SUCLA2: variants seen among roughly 807,000 people sequenced by gnomAD.
The protein encoded by SUCLA2 is succinate--CoA ligase [ADP-forming] subunit beta, mitochondrial.
A neutral mutation model predicts 54.8 loss-of-function variants in SUCLA2; 30 were observed. The ratio of observed to expected loss-of-function variants is 0.55; its 90% CI spans 0.41 to 0.74. The LOEUF (loss-of-function observed/expected upper bound fraction) is 0.74, where lower values mean the gene tolerates loss of function less well. Ranked by LOEUF, SUCLA2 falls within the 30% of genes least tolerant of loss-of-function variation. The pLI is 0.00. For missense variants in SUCLA2, 476 were observed against 562.9 expected, an observed-to-expected ratio of 0.85 and a Z score of 1.56; for synonymous variants, 172 against 188.9, an observed-to-expected ratio of 0.91 and a Z score of 0.74.
chr13:47,975,899 C>T (rs1407434984), intron 4 of SUCLA2, among the ~76,000 whole-genome samples: 1 of 152,114 alleles, frequency 6.6e-6, no homozygotes, highest in Non-Finnish European at 1.5e-5. Flanking sequence ...ATTGTATCAA[C>T]CCACTCTGCA....
intron 4 of SUCLA2, among the ~76,000 whole-genome samples, chr13:47,985,986 A>T (rs1701716954): frequency 6.7e-6 from 1 of 149,618 alleles, no homozygotes. Flanking sequence ...TCTAAAGATC[A>T]GTGATGAGCT....
intron 8 of SUCLA2, among the ~76,000 whole-genome samples, chr13:47,950,703 TCAAA>T (rs1052064020): frequency 1.3e-5 from 2 of 152,170 alleles, no homozygotes; most frequent in African/African-American, 4.8e-5. Context: ...CCAGGGCTTC[TCAAA>T]CAATGAGATT....
At chr13:47,978,737 C>T (rs1950037257) in intron 4 of SUCLA2, among the ~76,000 whole-genome samples, 1 of 152,102 alleles carries the variant, frequency 6.6e-6, no homozygotes, top group African/African-American at 2.4e-5. Context: ...AGGCAACCTA[C>T]AGAATGGGAG....
chr13:47,968,634 T>C lies in SUCLA2; in HGVS notation c.763A>G (p.Ile255Val), dbSNP rs545767824. Residue 255 changes from isoleucine (I) to valine (V), a missense_variant, in exon 6 of 11, where the codon ATA (isoleucine) becomes GTA (valine). By Grantham distance (29) the Ile-to-Val change is conservative. Coordinates refer to ENST00000646932, the MANE Select transcript of SUCLA2 (RefSeq NM_003850.3). ...SLFLKYDATM[I>V]EINPMVEDSD... ...TCTTCCACCATTGGATTTATTTCTA[T>C]CATGGTTGCATCGTATTTCAGAAAA... The C allele has an allele frequency of 1.9e-5, 31 of 1,611,832 alleles. No homozygotes were observed. Among genetic ancestry groups the C allele is most frequent in the Non-Finnish European group, 2.0e-5 (24 of 1,179,796 alleles).
rs1427517429 is a variant in SUCLA2, at chr13:47,988,486, T to C, written c.534+55A>G. The C allele has an allele frequency of 3.8e-6, 6 of 1,587,378 alleles. No homozygotes were observed. In the African/African-American group the frequency reaches 4.0e-5, roughly 11 times the overall value. ...CATAAATAGAAACAATAATGGACTTTTGAAATTGAATGTCATAAATTTATC... is the reference window on the plus strand; with the variant it reads ...CATAAATAGAAACAATAATGGACTTCTGAAATTGAATGTCATAAATTTATC... On this transcript the variant is annotated intron_variant, in intron 4 of 10. Coordinates refer to ENST00000646932, the MANE Select transcript of SUCLA2 (RefSeq NM_003850.3).
chr13:47,959,951 G>A (rs1289689580), intron 6 of SUCLA2, among the ~76,000 whole-genome samples: 2 of 152,126 alleles, frequency 1.3e-5, no homozygotes, highest in Non-Finnish European at 2.9e-5. Flanking sequence ...GATACTGCTG[G>A]AGTATTTACT....
intron 6 of SUCLA2, among the ~76,000 whole-genome samples, chr13:47,963,662 A>C (rs1000856664): frequency 7.2e-4 from 109 of 152,264 alleles, no homozygotes; most frequent in Non-Finnish European, 9.4e-4. Flanking sequence ...ACAAACAAAA[A>C]AAAAAACAGA....
chr13:47,968,560 T>C (rs1949937196), intron 6 of SUCLA2, 35 bp downstream of exon 6: 1 of 1,609,442 alleles, frequency 6.2e-7, no homozygotes. Context: ...GAGAAATAAA[T>C]GCATAATCAT....
At chr13:47,970,709 A>G (rs1278250678) in intron 5 of SUCLA2, among the ~76,000 whole-genome samples, 1 of 152,050 alleles carries the variant, frequency 6.6e-6, no homozygotes, top group Admixed American at 6.5e-5. Context: ...AAAATACAAA[A>G]ATTAGCTGGT....
chr13:47,990,975 C>G (rs1258845932), intron 2 of SUCLA2, among the ~76,000 whole-genome samples: 1 of 152,216 alleles, frequency 6.6e-6, no homozygotes, highest in African/African-American at 2.4e-5. Context: ...GTTTAAAAAA[C>G]TTGTCTTTCT....
At chr13:47,956,061 T>G (rs1378825941) in intron 6 of SUCLA2, among the ~76,000 whole-genome samples, 1 of 151,896 alleles carries the variant, frequency 6.6e-6, no homozygotes, top group Admixed American at 6.6e-5. Context: ...AACGGGGAAA[T>G]GTAACCACTA....
rs1051603272 is a variant in SUCLA2 at position 47,988,870 on chromosome 13, A to C, written c.371+12T>G. ...TAACAAGGATGATTTTTCCTTAAAA[A>C]ATGTGACTTACGAGAAAACTATCTT... On this transcript the variant is annotated intron_variant, in intron 3 of 10. Transcript: ENST00000646932. 6.2e-7 allele frequency: 1 copy of C among 1,611,548 alleles called. No individual in the cohort carries two copies. The highest frequency in any genetic ancestry group is 8.5e-7 in the Non-Finnish European group (1 of 1,179,430).
intron 10 of SUCLA2, among the ~76,000 whole-genome samples, chr13:47,947,396 A>C (rs1244837204): frequency 2.0e-5 from 3 of 152,224 alleles, no homozygotes; most frequent in Non-Finnish European, 4.4e-5. Flanking sequence ...CATTATTTTG[A>C]AAATTGGTCA....
intron 4 of SUCLA2, among the ~76,000 whole-genome samples, chr13:47,973,853 A>T (rs1397070876): frequency 6.6e-5 from 10 of 152,156 alleles, no homozygotes; most frequent in Non-Finnish European, 1.5e-4. Context: ...AAAACCAAAC[A>T]TCACATGTTC....
In SUCLA2 at chr13:47,968,723, T is replaced by A. The variant is rs1346778088; in HGVS notation, c.674A>T (p.Lys225Met). The A allele has an allele frequency of 6.2e-7, 1 of 1,612,502 alleles. No homozygotes were observed. The highest frequency in any genetic ancestry group is 1.1e-5 in the South Asian group (1 of 91,004). Residue 225 changes from lysine (K) to methionine (M), a missense_variant, in exon 6 of 11, where the codon AAG becomes ATG. By Grantham distance (95) the Lys-to-Met change is moderately conservative. Around this residue, in one of 2 missense-constraint regions of SUCLA2, gnomAD observed 342 missense variants for 444.2 expected, o/e 0.77. Transcript: ENST00000646932. ...CACAATATTAGGTGGAAATCCCATC[T>A]TCTGTGCAAGCTGAAATCAATATGT... ...KKEQALQLAQ[K>M]MGFPPNIVES...
intron 10 of SUCLA2, among the ~76,000 whole-genome samples, chr13:47,945,077 GC>G (rs1284319836): frequency 6.6e-6 from 1 of 151,398 alleles, no homozygotes; most frequent in African/African-American, 2.4e-5. Context: ...TGGTGAAACC[GC>G]ATCTCTACTA....
intron 4 of SUCLA2, among the ~76,000 whole-genome samples, chr13:47,975,933 T>C (rs552242089): frequency 6.6e-6 from 1 of 152,286 alleles, no homozygotes; most frequent in African/African-American, 2.4e-5. Context: ...CTAAGTCAAC[T>C]GCACAGACAA....
At chr13:47,954,631 C>G (rs942823993) in intron 6 of SUCLA2, 74 bp from the exon 7 acceptor site, 2 of 1,481,300 alleles carry the variant, frequency 1.4e-6, no homozygotes, top group Non-Finnish European at 1.9e-6. Context: ...GTCAAATGGT[C>G]TTTCATTTAG....
intron 2 of SUCLA2, among the ~76,000 whole-genome samples, chr13:47,990,470 G>T (rs1312115218): frequency 6.6e-6 from 1 of 151,998 alleles, no homozygotes; most frequent in Non-Finnish European, 1.5e-5. Context: ...AAAAAAAAGA[G>T]TAATACCTCT....
Sources: gnomAD v4.1 joint callset for allele counts (sites outside exome capture counted in the v4.1 genomes callset) on GRCh38, gnomAD v4.1.1 for gene constraint, gnomAD v4.1.1 regional missense constraint, MANE v1.5 for transcripts, NCBI Gene and HGNC (gene_info 2026-07-23, HGNC 2026-07-21) for gene names.